Variants in ZNF438 observed in about 807,000 individuals in gnomAD.
ZNF438 encodes zinc finger protein 438.
A neutral mutation model predicts 38.0 loss-of-function variants in ZNF438; 25 were observed. That is an observed-to-expected ratio of 0.66 (90% CI 0.48 to 0.92). The LOEUF (loss-of-function observed/expected upper bound fraction) is 0.92, where lower values mean the gene tolerates loss of function less well. Ranked by LOEUF, ZNF438 falls within the 40% of genes least tolerant of loss-of-function variation. ZNF438 has a pLI of 0.00. For missense variants in ZNF438, 1,007 were observed against 999.6 expected (o/e 1.01, Z -0.10); for synonymous variants, 372 against 364.1 (o/e 1.02, Z -0.25).
At chr10:31,032,374 C>A (rs1005015067), upstream of ZNF438, among the ~76,000 whole-genome samples, 1 of 152,212 alleles carries the variant, frequency 6.6e-6, no homozygotes, top group African/African-American at 2.4e-5. Flanking sequence ...TCCCTCGCTC[C>A]TCCCCGGCTC....
At chr10:31,012,154 G>T (rs191515579) in intron 1 of ZNF438, among the ~76,000 whole-genome samples, 61 of 142,894 alleles carry the variant, frequency 4.3e-4, no homozygotes, top group African/African-American at 1.6e-3. Context: ...ATGGAGTCTC[G>T]CTCTGTCGCC....
At chr10:30,857,582 C>G (rs1327832094) in intron 4 of ZNF438, 3 of 998,632 alleles carry the variant, frequency 3.0e-6, no homozygotes, top group East Asian at 5.4e-5. Flanking sequence ...TTAAATTATA[C>G]TAACTTTCTG....
chr10:30,911,070 G>A (rs192615929), intron 2 of ZNF438, among the ~76,000 whole-genome samples: 86 of 152,098 alleles, frequency 5.7e-4, no homozygotes, highest in South Asian at 2.1e-4. Context: ...TTTTAATTGG[G>A]TAAGGGAAAA....
intron 1 of ZNF438, among the ~76,000 whole-genome samples, chr10:30,948,309 A>G (rs1282285963): frequency 2.4e-4 from 37 of 152,250 alleles, no homozygotes; most frequent in Non-Finnish European, 8.8e-5. Flanking sequence ...AAAAAACAGA[A>G]CAGAAAAACT....
intron 1 of ZNF438, among the ~76,000 whole-genome samples, chr10:31,027,918 A>G (rs1388178208): frequency 3.9e-5 from 6 of 152,312 alleles, no homozygotes; most frequent in Admixed American, 1.3e-4. Flanking sequence ...GTGCAATTTT[A>G]TATAATTCTT....
intron 1 of ZNF438, among the ~76,000 whole-genome samples, chr10:30,960,267 T>G (rs1425255207): frequency 6.8e-6 from 1 of 147,520 alleles, no homozygotes; most frequent in African/African-American, 2.4e-5. Context: ...AGCATAAAAA[T>G]GTTAATTTTA....
chr10:30,953,920 G>T (rs910351651), intron 1 of ZNF438, among the ~76,000 whole-genome samples: 8 of 152,178 alleles, frequency 5.3e-5, no homozygotes, highest in Non-Finnish European at 8.8e-5. Flanking sequence ...AATGCGGATG[G>T]ATCATGAGGT....
chr10:30,896,245 G>A (rs573487930), intron 3 of ZNF438, among the ~76,000 whole-genome samples: 56 of 149,402 alleles, frequency 3.7e-4, no homozygotes, highest in Admixed American at 2.0e-3. Flanking sequence ...GCAGTGAGCC[G>A]AGACCGCGCC....
At chr10:30,909,956 A>T (rs1043166743) in intron 2 of ZNF438, among the ~76,000 whole-genome samples, 1 of 152,210 alleles carries the variant, frequency 6.6e-6, no homozygotes, top group African/African-American at 2.4e-5. Context: ...CTCATAACCA[A>T]CGTAAAGGTC....
intron 3 of ZNF438, among the ~76,000 whole-genome samples, chr10:30,908,522 G>A (rs1270345682): frequency 6.6e-6 from 1 of 152,106 alleles, no homozygotes; most frequent in Non-Finnish European, 1.5e-5. Context: ...TGCTTGCTTT[G>A]GATTTGCTCT....
At position 30,926,891 on chromosome 10, in the gene ZNF438, C is replaced by T. The variant is rs147983220; in HGVS notation, c.-115+14684G>A. ...ATATTTTCTCAGGCAAACAGAGGGA[C>T]TCAGCCTTGTTGCAAATCAAGTTAA... On this transcript the variant is annotated intron_variant, in intron 2 of 5. Transcript: ENST00000413025. Among the ~76,000 whole-genome samples the T allele has an allele frequency of 8.5e-5, 13 of 152,222 alleles. No individual in the cohort carries two copies. In the East Asian group the frequency reaches 2.5e-3, roughly 29 times the overall value.
At chr10:31,032,397 G>A (rs2057343825), upstream of ZNF438, among the ~76,000 whole-genome samples, 1 of 149,376 alleles carries the variant, frequency 6.7e-6, no homozygotes, top group South Asian at 2.1e-4. Flanking sequence ...CGCGGCTCCC[G>A]CTAGACTCCG....
chr10:31,000,435 G>T (rs895574027), intron 1 of ZNF438, among the ~76,000 whole-genome samples: 7 of 152,208 alleles, frequency 4.6e-5, no homozygotes, highest in Non-Finnish European at 8.8e-5. Flanking sequence ...TAAAATCTGA[G>T]AAACACTGAT....
At chr10:30,949,238 C>G (rs1327781291) in intron 1 of ZNF438, among the ~76,000 whole-genome samples, 1 of 151,814 alleles carries the variant, frequency 6.6e-6, no homozygotes, top group Non-Finnish European at 1.5e-5. Flanking sequence ...CCTAAAAGAG[C>G]TCCTGAAGGA....
At chr10:30,860,292 G>GATGACATC (rs2035358967) in intron 4 of ZNF438, among the ~76,000 whole-genome samples, 1 of 152,152 alleles carries the variant, frequency 6.6e-6, no homozygotes, top group Non-Finnish European at 1.5e-5. Context: ...ATTAGCATTA[G>GATGACATC]ATGACATCCC....
chr10:30,901,424 T>C (rs1214449649), intron 3 of ZNF438, among the ~76,000 whole-genome samples: 1 of 151,420 alleles, frequency 6.6e-6, no homozygotes, highest in African/African-American at 2.4e-5. Context: ...CCGGAGTTTG[T>C]TCCTTCTGAT....
At chr10:30,861,988 C>T (rs1310871202) in intron 4 of ZNF438, among the ~76,000 whole-genome samples, 1 of 152,184 alleles carries the variant, frequency 6.6e-6, no homozygotes, top group African/African-American at 2.4e-5. Context: ...ACCCCATTCT[C>T]TCAATATTCT....
At chr10:30,848,687 G>C (rs748868041) in exon 5 of ZNF438, 1 of 1,614,200 alleles carries the variant, frequency 6.2e-7, no homozygotes, top group Non-Finnish European at 8.5e-7. Context: ...AAACACTTTT[G>C]CACAAAACTC....
chr10:30,970,840 T>TTAAC (rs1564764376), intron 1 of ZNF438, among the ~76,000 whole-genome samples: 1 of 152,224 alleles, frequency 6.6e-6, no homozygotes, highest in East Asian at 1.9e-4. Context: ...TTTCAAACCA[T>TTAAC]TAACTAGTGA....
Sources: gnomAD v4.1 joint callset for allele counts (sites outside exome capture counted in the v4.1 genomes callset) on GRCh38, gnomAD v4.1.1 for gene constraint, MANE v1.5 for transcripts, NCBI Gene and HGNC (gene_info 2026-07-23, HGNC 2026-07-21) for gene names.